Variants in PLCG1 observed in about 807,000 individuals in gnomAD.
The protein encoded by PLCG1 is 1-phosphatidylinositol 4,5-bisphosphate phosphodiesterase gamma-1.
A neutral mutation model predicts 177.8 loss-of-function variants in PLCG1; 71 were observed. The observed-to-expected ratio is 0.40, with a 90% CI of 0.33 to 0.49. PLCG1 has a LOEUF of 0.49. Among genes scored for constraint, PLCG1 ranks in the 20% least tolerant of loss-of-function variants. The pLI, the probability that PLCG1 is intolerant of heterozygous loss-of-function variation, is 0.72. For missense variants in PLCG1, 1,281 were observed against 1,709.0 expected (o/e 0.75, Z 4.42); for synonymous variants, 658 against 647.9 (o/e 1.02, Z -0.24).
chr20:41,172,392 T>C lies in PLCG1; in HGVS notation c.2906-29T>C. The C allele has an allele frequency of 6.2e-7, 1 of 1,603,188 alleles. No individual in the cohort carries two copies. The highest frequency in any genetic ancestry group is 2.2e-5 in the East Asian group (1 of 44,816). ...CCCAACACTTCCTGGGTGGGCGGGC[T>C]CTGTAAGTGTTTTCCCTGTTTGGCC... On this transcript the variant is annotated intron_variant, in intron 25 of 31. Transcript: ENST00000685551. The surrounding 1 kb of genome is among the most constrained non-coding windows in gnomAD (Gnocchi z 7.0).
At position 41,156,124 on chromosome 20, in the gene PLCG1, G is replaced by T. The variant is rs958376331; in HGVS notation, c.218-3482G>T. Among the ~76,000 whole-genome samples, 1 of 152,204 alleles carries T rather than the reference G, an allele frequency of 6.6e-6. No individual in the cohort carries two copies. Among genetic ancestry groups the T allele is most frequent in the African/African-American group, 2.4e-5 (1 of 41,456 alleles). ...TGATATACAGTCCAGGCACAGGTGT[G>T]TGTGGTCCCTCATTACTTCAGAGCC... On this transcript the variant is annotated intron_variant, in intron 1 of 31. Transcript: ENST00000685551. This position sits in a 1 kb window ranked among gnomAD's most constrained non-coding sequence, Gnocchi z 5.0.
At chr20:41,143,618 G>A (rs1236698087) in intron 1 of PLCG1, among the ~76,000 whole-genome samples, 3 of 152,278 alleles carry the variant, frequency 2.0e-5, no homozygotes, top group Middle Eastern at 3.4e-3. Context: ...GTGAGGAGTG[G>A]CTTCAGGCTA....
chr20:41,157,445 C>G lies in PLCG1; in HGVS notation c.218-2161C>G, dbSNP rs754920506. Among the ~76,000 whole-genome samples, 1 of 152,168 alleles carries G rather than the reference C, an allele frequency of 6.6e-6. No homozygotes were observed. Among genetic ancestry groups the G allele is most frequent in the Non-Finnish European group, 1.5e-5 (1 of 68,026 alleles). On this transcript the variant is annotated intron_variant, in intron 1 of 31. Coordinates refer to ENST00000685551, the MANE Select transcript of PLCG1 (RefSeq NM_002660.3). The surrounding 1 kb of genome is among the most constrained non-coding windows in gnomAD (Gnocchi z 5.4). ...GTTAGGTCTTTTATGGCCCAGTTCT[C>G]CCTGCCCCTGTTTCTACCCGAGTAT...
rs1051850486 is a variant in PLCG1, at chr20:41,159,806, C to T, written c.370+48C>T. On this transcript the variant is annotated intron_variant, in intron 2 of 31. Coordinates refer to ENST00000685551, the MANE Select transcript of PLCG1 (RefSeq NM_002660.3). This position sits in a 1 kb window ranked among gnomAD's most constrained non-coding sequence, Gnocchi z 6.0. ...AGGTAGAGGATAGTTAGGGGAATGC[C>T]TGCTGGCTCCTGCCCAGTGGGAGGT... is the stretch of plus-strand genomic sequence containing the variant. The T allele has an allele frequency of 3.1e-6, 5 of 1,613,512 alleles. No homozygotes were observed. The highest frequency in any genetic ancestry group is 4.2e-6 in the Non-Finnish European group (5 of 1,179,400).
At chr20:41,145,503 A>C (rs1297485815) in intron 1 of PLCG1, among the ~76,000 whole-genome samples, 1 of 152,030 alleles carries the variant, frequency 6.6e-6, no homozygotes, top group African/African-American at 2.4e-5. Context: ...CCACCAACCC[A>C]TGGCCCTACT....
At position 41,177,111 on chromosome 20, in the gene PLCG1, G is replaced by T. The variant is rs551768008; in HGVS notation, c.*2602G>T. ...AAAGAGCAGGCAGGGCCGGGAGAGGGAAGTCAGTGGTACCAGAAGGTAGAT... is the reference window on the plus strand; with the variant it reads ...AAAGAGCAGGCAGGGCCGGGAGAGGTAAGTCAGTGGTACCAGAAGGTAGAT... On this transcript the variant is annotated 3_prime_UTR_variant, in exon 32 of 32. Transcript: ENST00000685551. The T allele has an allele frequency of 6.6e-6, 1 of 152,268 alleles. No homozygotes were observed. The highest frequency in any genetic ancestry group is 2.4e-5 in the African/African-American group (1 of 41,462). The allele number at this position is 152,268 out of a possible 1,614,324, so 9.4% of individuals were successfully genotyped here.
In PLCG1 at chr20:41,175,379, G is replaced by A. The variant is rs768640845; in HGVS notation, c.*870G>A. On this transcript the variant is annotated 3_prime_UTR_variant, in exon 32 of 32. Coordinates refer to ENST00000685551, the MANE Select transcript of PLCG1 (RefSeq NM_002660.3). The stretch of plus-strand genomic sequence containing the variant: ...TTGTTTTTAAGTCAAAGAAGACTCA[G>A]TATGCTTTCCCTGAGGAATGAAAAA... 1 of 152,166 alleles carries A rather than the reference G, an allele frequency of 6.6e-6. No individual in the cohort carries two copies. The highest frequency in any genetic ancestry group is 1.5e-5 in the Non-Finnish European group (1 of 68,056). The allele number at this position is 152,166 out of a possible 1,614,324, so 9.4% of individuals were successfully genotyped here.
chr20:41,154,159 A>G (rs2035248922), intron 1 of PLCG1, among the ~76,000 whole-genome samples: 1 of 152,176 alleles, frequency 6.6e-6, no homozygotes, highest in Non-Finnish European at 1.5e-5. Flanking sequence ...CCTCCTGCCC[A>G]CCTTGCCAGT....
At chr20:41,152,989 C>T (rs1353690184) in intron 1 of PLCG1, among the ~76,000 whole-genome samples, 1 of 152,198 alleles carries the variant, frequency 6.6e-6, no homozygotes, top group Non-Finnish European at 1.5e-5. Flanking sequence ...CTGGGCTTTC[C>T]CTGCCTTCCT....
In PLCG1 at chr20:41,163,411, G is replaced by C. The variant is rs771800320; in HGVS notation, c.823G>C (p.Glu275Gln). The C allele has an allele frequency of 6.2e-7, 1 of 1,613,484 alleles. No individual in the cohort carries two copies. Among genetic ancestry groups the C allele is most frequent in the Non-Finnish European group, 8.5e-7 (1 of 1,179,684 alleles). Residue 275 changes from glutamate (E) to glutamine (Q), a missense_variant, in exon 9 of 32, where the codon GAG (glutamate) becomes CAG (glutamine). Coordinates refer to ENST00000685551, the MANE Select transcript of PLCG1 (RefSeq NM_002660.3). The surrounding 1 kb of genome is among the most constrained non-coding windows in gnomAD (Gnocchi z 5.2). ...LWAVDRLQVQ[E>Q]FMLSFLRDPL... is the part of the protein sequence containing the mutation. ...GGCTGTTGATCGCCTCCAGGTGCAGGAGTTCATGCTCAGCTTCCTCCGAGA... is the reference window on the plus strand; with the variant it reads ...GGCTGTTGATCGCCTCCAGGTGCAGCAGTTCATGCTCAGCTTCCTCCGAGA...
rs1006885593 is a variant in PLCG1, at chr20:41,153,176, G to GT, written c.218-6423dup. On this transcript the variant is annotated intron_variant, in intron 1 of 31. Transcript: ENST00000685551. This position sits in a 1 kb window ranked among gnomAD's most constrained non-coding sequence, Gnocchi z 5.1. Reference sequence around the variant, plus strand: ...CCTTTCATATTTACTATGAGTTGCAGTTTTTTTAAGTTACAAAATTTCTTT... The same window carrying GT: ...CCTTTCATATTTACTATGAGTTGCAGTTTTTTTTAAGTTACAAAATTTCTTT... Among the ~76,000 whole-genome samples the GT allele has an allele frequency of 7.2e-5, 11 of 152,182 alleles. No homozygotes were observed. Among genetic ancestry groups the GT allele is most frequent in the Non-Finnish European group, 1.2e-4 (8 of 68,030 alleles).
At position 41,166,115 on chromosome 20, in the gene PLCG1, A is replaced by G. The variant is rs867507773; in HGVS notation, c.1800-79A>G. ...CCTTGAGGCTCCCTCCTTGAGTTCC[A>G]CCCTCATTTGGGGTGGAACTTGGTC... On this transcript the variant is annotated intron_variant, in intron 16 of 31. Coordinates refer to ENST00000685551, the MANE Select transcript of PLCG1 (RefSeq NM_002660.3). The surrounding 1 kb of genome is among the most constrained non-coding windows in gnomAD (Gnocchi z 8.6). 4 of 1,290,014 alleles carry G rather than the reference A, an allele frequency of 3.1e-6. No homozygotes were observed. In the Middle Eastern group the frequency reaches 7.4e-4, roughly 239 times the overall value. The allele number at this position is 1,290,014 out of a possible 1,614,324, so 79.9% of individuals were successfully genotyped here.
At position 41,165,221 on chromosome 20, in the gene PLCG1, G is replaced by A. The variant is rs2035641872; in HGVS notation, c.1387-24G>A. ...TGGGGTGAGGACTGGGGTCTGCATTGCCCTGTTCTGGTTGCCCCTACAGCA... is the reference window on the plus strand; with the variant it reads ...TGGGGTGAGGACTGGGGTCTGCATTACCCTGTTCTGGTTGCCCCTACAGCA... On this transcript the variant is annotated intron_variant, in intron 13 of 31. Coordinates refer to ENST00000685551, the MANE Select transcript of PLCG1 (RefSeq NM_002660.3). This position sits in a 1 kb window ranked among gnomAD's most constrained non-coding sequence, Gnocchi z 6.6. 6.2e-7 allele frequency: 1 copy of A among 1,613,442 alleles called. No individual in the cohort carries two copies. The highest frequency in any genetic ancestry group is 1.7e-5 in the Admixed American group (1 of 59,988).
In PLCG1 at chr20:41,150,878, G is replaced by T. The variant is rs2035146773; in HGVS notation, c.218-8728G>T. On this transcript the variant is annotated intron_variant, in intron 1 of 31. Coordinates refer to ENST00000685551, the MANE Select transcript of PLCG1 (RefSeq NM_002660.3). The surrounding 1 kb of genome is among the most constrained non-coding windows in gnomAD (Gnocchi z 4.0). Reference sequence around the variant, plus strand: ...GTTCTACTCGTTGCATGACCTCATAGTTATCTGCTTCCCCATCTGTTTCCT... The same window carrying T: ...GTTCTACTCGTTGCATGACCTCATATTTATCTGCTTCCCCATCTGTTTCCT... 6.6e-6 allele frequency among the ~76,000 whole-genome samples: 1 copy of T among 152,178 alleles called. No individual in the cohort carries two copies. The highest frequency in any genetic ancestry group is 1.5e-5 in the Non-Finnish European group (1 of 68,038).
In PLCG1 at chr20:41,147,354, C is replaced by T. The variant is rs1254498149; in HGVS notation, c.217+9496C>T. ...CCAGTGAGAACAGAATGTCTGTTGC[C>T]AGACTGATCACAAGAGGATGGCCTG... On this transcript the variant is annotated intron_variant, in intron 1 of 31. Transcript: ENST00000685551. This position sits in a 1 kb window ranked among gnomAD's most constrained non-coding sequence, Gnocchi z 4.0. Among the ~76,000 whole-genome samples the T allele has an allele frequency of 6.6e-6, 1 of 152,206 alleles. No homozygotes were observed. Among genetic ancestry groups the T allele is most frequent in the Non-Finnish European group, 1.5e-5 (1 of 68,040 alleles).
In PLCG1 at chr20:41,157,386, T is replaced by C. The variant is rs2146027205; in HGVS notation, c.218-2220T>C. Among the ~76,000 whole-genome samples, 1 of 152,156 alleles carries C rather than the reference T, an allele frequency of 6.6e-6. No individual in the cohort carries two copies. Among genetic ancestry groups the C allele is most frequent in the East Asian group, 1.9e-4 (1 of 5,168 alleles). On this transcript the variant is annotated intron_variant, in intron 1 of 31. Coordinates refer to ENST00000685551, the MANE Select transcript of PLCG1 (RefSeq NM_002660.3). This position sits in a 1 kb window ranked among gnomAD's most constrained non-coding sequence, Gnocchi z 5.4. ...TCTAGCCATTTCCCCTGATGGAAGCTCCTCCTTCTGTCATTGGAAGCCCTG... is the reference window on the plus strand; with the variant it reads ...TCTAGCCATTTCCCCTGATGGAAGCCCCTCCTTCTGTCATTGGAAGCCCTG...
At chr20:41,143,733 A>C (rs1206562682) in intron 1 of PLCG1, among the ~76,000 whole-genome samples, 1 of 152,188 alleles carries the variant, frequency 6.6e-6, no homozygotes, top group Non-Finnish European at 1.5e-5. Context: ...TCTTACTGTG[A>C]CCTTGGGCAG....
At position 41,169,452 on chromosome 20, in the gene PLCG1, C is replaced by T. The variant is rs183538599; in HGVS notation, c.2581-5C>T. ...CTGACCATTGGTGGGCTTTGCTTCC[C>T]ACAGCACTTGGACGAGAACAGCCCC... On this transcript the variant is annotated splice_region_variant and splice_polypyrimidine_tract_variant and intron_variant, in intron 22 of 31. Transcript: ENST00000685551. The T allele has an allele frequency of 3.6e-4, 574 of 1,611,928 alleles. 4 individuals are homozygous for T. The highest frequency in any genetic ancestry group is 3.2e-3 in the South Asian group (287 of 91,030).
intron 1 of PLCG1, among the ~76,000 whole-genome samples, chr20:41,138,890 C>A (rs966439566): frequency 7.9e-5 from 12 of 152,250 alleles, no homozygotes; most frequent in Admixed American, 2.6e-4. Context: ...TCTGCTCTGC[C>A]CTCCATTCCC....
Sources: gnomAD v4.1 joint callset for allele counts (sites outside exome capture counted in the v4.1 genomes callset) on GRCh38, gnomAD v4.1.1 for gene constraint, Gnocchi (gnomAD v3.1) non-coding constraint, MANE v1.5 for transcripts, NCBI Gene and HGNC (gene_info 2026-07-23, HGNC 2026-07-21) for gene names.